Variants in ASPG observed in about 807,000 individuals in gnomAD.
The protein encoded by ASPG is asparaginase.
A neutral mutation model predicts 63.2 loss-of-function variants in ASPG; 53 were observed. The observed-to-expected ratio is 0.84, with a 90% CI of 0.67 to 1.05. ASPG has a LOEUF of 1.05. Ranked by LOEUF, ASPG falls within the 50% of genes least tolerant of loss-of-function variation. The pLI is 0.00. For missense variants in ASPG, 741 were observed against 794.4 expected, an observed-to-expected ratio of 0.93 and a Z score of 0.81; for synonymous variants, 370 against 355.0, an observed-to-expected ratio of 1.04 and a Z score of -0.48.
At position 104,107,401 on chromosome 14, in the gene ASPG, G is replaced by T. The variant is rs949930916; in HGVS notation, c.1433+56G>T. The stretch of plus-strand genomic sequence containing the variant: ...TTGGACAGGTGGGCGCAGAGAGGCT[G>T]TGGGCTCCTGCACTCAAACAGCCTC... On this transcript the variant is annotated intron_variant, in intron 12 of 15. Transcript: ENST00000551177. 1.6e-5 allele frequency: 21 copies of T among 1,334,992 alleles called. No homozygotes were observed. In the Admixed American group the frequency reaches 2.4e-4, roughly 15 times the overall value. The allele number at this position is 1,334,992 out of a possible 1,614,324, so 82.7% of individuals were successfully genotyped here. A position where few individuals can be genotyped will look rare whatever the true frequency, so the allele number is the denominator to read the frequency against.
At chr14:104,095,334 C>T (rs547204746) in intron 3 of ASPG, among the ~76,000 whole-genome samples, 197 bp from the exon 4 acceptor site, 6 of 152,098 alleles carry the variant, frequency 3.9e-5, no homozygotes, top group East Asian at 1.9e-4. Flanking sequence ...ATGGAAGCCT[C>T]GGGGCAGGGA....
intron 2 of ASPG, 52 bp downstream of exon 2, chr14:104,092,793 C>T (rs2036410166): frequency 6.8e-7 from 1 of 1,463,230 alleles, no homozygotes; most frequent in African/African-American, 1.4e-5. Context: ...CTGAGGGGCA[C>T]CGATCCTGAG....
At chr14:104,096,384 G>A (rs1566828581) in intron 4 of ASPG, among the ~76,000 whole-genome samples, 1 of 152,160 alleles carries the variant, frequency 6.6e-6, no homozygotes, top group Non-Finnish European at 1.5e-5. Flanking sequence ...CTCCATGGAG[G>A]CCCTCTTAGG....
intron 7 of ASPG, 95 bp downstream of exon 7, chr14:104,103,770 C>T: frequency 9.3e-7 from 1 of 1,070,120 alleles, no homozygotes. Context: ...CCTCACCAGC[C>T]AGTGCAGACC....
chr14:104,095,772 C>A, intron 4 of ASPG, 116 bp downstream of exon 4: 1 of 1,374,548 alleles, frequency 7.3e-7, no homozygotes, highest in Non-Finnish European at 9.9e-7. Context: ...CCAGCAGCTC[C>A]TGAGGTGGCT....
At chr14:104,092,553 G>A (rs1434351667) in intron 1 of ASPG, 80 bp from the exon 2 acceptor site, 9 of 1,195,686 alleles carry the variant, frequency 7.5e-6, no homozygotes, top group Non-Finnish European at 1.1e-5. Flanking sequence ...CACCAGCTCT[G>A]GTCCTGCCCC....
chr14:104,090,392 G>A (rs568220676), intron 1 of ASPG, among the ~76,000 whole-genome samples: 21 of 152,332 alleles, frequency 1.4e-4, no homozygotes, highest in African/African-American at 5.1e-4. Flanking sequence ...AGCTTCACCC[G>A]CCGTGATGAG....
intron 7 of ASPG, among the ~76,000 whole-genome samples, 184 bp from the exon 8 acceptor site, chr14:104,104,120 G>C (rs962730612): frequency 9.9e-5 from 15 of 152,220 alleles, no homozygotes; most frequent in Admixed American, 1.3e-4. Flanking sequence ...AATGTGGGGG[G>C]AGCAGCCCCC....
At chr14:104,092,810 C>T in intron 2 of ASPG, 69 bp downstream of exon 2, 1 of 1,352,598 alleles carries the variant, frequency 7.4e-7, no homozygotes, top group South Asian at 1.3e-5. Context: ...TGAGGCTGGG[C>T]ACTGCTGGCC....
intron 12 of ASPG, among the ~76,000 whole-genome samples, chr14:104,107,691 G>C (rs930664938): frequency 6.6e-6 from 1 of 152,186 alleles, no homozygotes; most frequent in East Asian, 1.9e-4. Context: ...CAGGCAACTC[G>C]GGCCCTGGAG....
rs2037412939 is a variant in ASPG at position 104,112,556 on chromosome 14, C to T, written c.*12C>T. On this transcript the variant is annotated 3_prime_UTR_variant, in exon 16 of 16. Coordinates refer to ENST00000551177, the MANE Select transcript of ASPG (RefSeq NM_001080464.3). ...TGCCTGGTGTCTAACCTGAAGGCGT[C>T]CTGCTGCAGTATAAGCCATTCCTTC... is the stretch of plus-strand genomic sequence containing the variant. 1 of 1,605,042 alleles carries T rather than the reference C, an allele frequency of 6.2e-7. No homozygotes were observed. Among genetic ancestry groups the T allele is most frequent in the African/African-American group, 1.3e-5 (1 of 74,766 alleles).
chr14:104,114,894 A>C lies in ASPG; in HGVS notation c.*2350A>C, dbSNP rs1206603240. On this transcript the variant is annotated 3_prime_UTR_variant, in exon 16 of 16. Transcript: ENST00000551177. ...TGGCACAGGGCAGAGCTGGGCTGTG[A>C]ATCAGGGCCGCCTTGTCTCTTGCTG... The C allele has an allele frequency of 1.3e-5, 2 of 152,178 alleles. No individual in the cohort carries two copies. The highest frequency in any genetic ancestry group is 2.9e-5 in the Non-Finnish European group (2 of 68,044). The allele number at this position is 152,178 out of a possible 1,614,324, so 9.4% of individuals were successfully genotyped here.
Position 104,098,984 on chromosome 14 carries a change from GC to G in ASPG, c.640+9del. ...CAGTGGGTGCTGACATCACAAGTAA[GC>G]CCCGCAGGAGCAGGGCCAGGTGCCT... On this transcript the variant is annotated splice_donor_region_variant and intron_variant, in intron 6 of 15. Transcript: ENST00000551177. 6.3e-7 allele frequency: 1 copy of G among 1,583,106 alleles called. No individual in the cohort carries two copies. Among genetic ancestry groups the G allele is most frequent in the Non-Finnish European group, 8.6e-7 (1 of 1,164,052 alleles).
At position 104,112,008 on chromosome 14, in the gene ASPG, C is replaced by T. The variant is rs777769071; in HGVS notation, c.1701+8C>T. 5.2e-6 allele frequency: 8 copies of T among 1,551,652 alleles called. No homozygotes were observed. The highest frequency in any genetic ancestry group is 3.4e-4 in the Middle Eastern group (2 of 5,930). On this transcript the variant is annotated splice_region_variant and intron_variant, in intron 15 of 15. Coordinates refer to ENST00000551177, the MANE Select transcript of ASPG (RefSeq NM_001080464.3). ...GCCCAGGCCCCATGCCCAGTAAGTC[C>T]CCACCCCAGGCGGGGCTGACACCCC...
At chr14:104,100,508 G>A (rs899741037) in intron 6 of ASPG, among the ~76,000 whole-genome samples, 4 of 152,178 alleles carry the variant, frequency 2.6e-5, no homozygotes, top group South Asian at 2.1e-4. Context: ...GGGAGGCACC[G>A]ACTCAAGCCT....
At chr14:104,089,947 C>CAAAAAAAAAAA (rs58405958) in intron 1 of ASPG, among the ~76,000 whole-genome samples, 2 of 56,338 alleles carry the variant, frequency 3.6e-5, no homozygotes, top group East Asian at 6.1e-4. Context: ...GACTCTGCCT[C>CAAAAAAAAAAA]AAAAAAAAAA....
chr14:104,088,440 A>G (rs1304955864), intron 1 of ASPG, among the ~76,000 whole-genome samples: 1 of 152,202 alleles, frequency 6.6e-6, no homozygotes, highest in Non-Finnish European at 1.5e-5. Context: ...CCCAAGCCCA[A>G]GCTGGCATCA....
chr14:104,089,792 T>A (rs534052979), intron 1 of ASPG, among the ~76,000 whole-genome samples: 2,016 of 151,122 alleles, frequency 0.013, 12 homozygotes, highest in Middle Eastern at 0.017. Context: ...CTACTAAAAA[T>A]AAAAAATTAG....
rs759222127 is a variant in ASPG at position 104,105,439 on chromosome 14, AGCGGCAGCCAGGTAATG to A, written c.1166_1173+9del. 1 of 1,597,632 alleles carries A rather than the reference AGCGGCAGCCAGGTAATG, an allele frequency of 6.3e-7. No individual in the cohort carries two copies. The highest frequency in any genetic ancestry group is 1.7e-5 in the Admixed American group (1 of 58,060). ...TGGGGTCTCCTGGCTCCTCAGTCTGAGCGGCAGCCAGGTAATGGCGTGGGACACGGGCCTGAGTGGCA... is the reference window on the plus strand; with the variant it reads ...TGGGGTCTCCTGGCTCCTCAGTCTGAGCGTGGGACACGGGCCTGAGTGGCA... On this transcript the variant is annotated splice_donor_variant and splice_donor_5th_base_variant and coding_sequence_variant and intron_variant, in exon 10 of 16. Transcript: ENST00000551177. LOFTEE classifies it high-confidence loss of function.
Sources: gnomAD v4.1 joint callset for allele counts (sites outside exome capture counted in the v4.1 genomes callset) on GRCh38, gnomAD v4.1.1 for gene constraint, MANE v1.5 for transcripts, NCBI Gene and HGNC (gene_info 2026-07-23, HGNC 2026-07-21) for gene names.